TRIM36: variants seen among roughly 807,000 people sequenced by gnomAD.
TRIM36 encodes the protein E3 ubiquitin-protein ligase TRIM36.
In TRIM36, 42 loss-of-function variants were observed where a neutral mutation model predicts 72.4. The observed-to-expected ratio is 0.58, with a 90% confidence interval of 0.45 to 0.75. The LOEUF (loss-of-function observed/expected upper bound fraction) is 0.75. TRIM36 is among the 30% of genes least tolerant of loss of function. The probability of loss-of-function intolerance (pLI) is 0.00; values close to 1 mark genes in which losing one functional copy is unlikely to be tolerated. For synonymous variants in TRIM36, 315 were observed against 282.8 expected (o/e 1.11, Z -1.14); for missense variants, 913 against 857.1 (o/e 1.07, Z -0.81).
intron 2 of TRIM36, among the ~76,000 whole-genome samples, chr5:115,150,299 T>G (rs1416892195): frequency 6.6e-6 from 1 of 152,210 alleles, no homozygotes; most frequent in Non-Finnish European, 1.5e-5. Flanking sequence ...CAGTAGCCAT[T>G]AGCCACATGT....
Position 115,134,140 on chromosome 5 carries a change from G to A in TRIM36, c.1218C>T (p.Asp406=), listed in dbSNP as rs758504475. Residue 406 remains aspartate (D), a synonymous_variant, in exon 8 of 10, where the codon GAC becomes GAT. Coordinates refer to ENST00000513154, the MANE Select transcript of TRIM36 (RefSeq NM_001300759.2). The stretch of plus-strand genomic sequence containing the variant: ...TCTGTTCCTCATTGATCTCTGGCAC[G>A]TCTATGCCTGAAAGAATTATGAAAT... The part of the protein sequence containing the change: ...GELSFFSSGI[D]VPEINEEQSK... The A allele has an allele frequency of 9.6e-6, 15 of 1,560,976 alleles. No individual in the cohort carries two copies. Among genetic ancestry groups the A allele is most frequent in the East Asian group, 6.8e-5 (3 of 43,918 alleles).
chr5:115,152,728 A>T (rs1481721513), intron 2 of TRIM36, among the ~76,000 whole-genome samples: 1 of 152,174 alleles, frequency 6.6e-6, no homozygotes, highest in Non-Finnish European at 1.5e-5. Context: ...CCTAAAAAAA[A>T]ATTATCAGCC....
At chr5:115,179,576 C>T (rs1045877825) in intron 1 of TRIM36, among the ~76,000 whole-genome samples, 7 of 152,254 alleles carry the variant, frequency 4.6e-5, no homozygotes. Flanking sequence ...CTCCACGCTC[C>T]GCGCCCAGGC....
At position 115,158,366 on chromosome 5, in the gene TRIM36, A is replaced by G. The variant is rs556728061; in HGVS notation, c.262+5152T>C. Among the ~76,000 whole-genome samples the G allele has an allele frequency of 1.6e-4, 24 of 152,352 alleles. No homozygotes were observed. In the South Asian group the frequency reaches 3.7e-3, roughly 24 times the overall value. ...AAAAATTTCAAATTGGTTTATAGCA[A>G]ATCCCCTAAAAAAGTCAGCTTTCAG... is the stretch of plus-strand genomic sequence containing the variant. On this transcript the variant is annotated intron_variant, in intron 2 of 9. Transcript: ENST00000513154.
intron 1 of TRIM36, among the ~76,000 whole-genome samples, chr5:115,179,603 T>C (rs1054707008): frequency 3.9e-5 from 6 of 152,132 alleles, no homozygotes; most frequent in African/African-American, 1.2e-4. Flanking sequence ...GGTCACCCAC[T>C]CGAAGTCACC....
intron 5 of TRIM36, among the ~76,000 whole-genome samples, chr5:115,139,108 T>A (rs1022039764): frequency 6.6e-6 from 1 of 151,584 alleles, no homozygotes; most frequent in African/African-American, 2.4e-5. Context: ...TGTGAGCCAC[T>A]GCACCCAGCT....
chr5:115,135,988 C>A (rs963869945), intron 7 of TRIM36, among the ~76,000 whole-genome samples: 4 of 151,966 alleles, frequency 2.6e-5, no homozygotes, highest in African/African-American at 7.3e-5. Flanking sequence ...GAAGAGAAAT[C>A]TTAGGGAGAG....
intron 2 of TRIM36, among the ~76,000 whole-genome samples, chr5:115,148,088 G>C (rs1289614016): frequency 6.6e-6 from 1 of 152,160 alleles, no homozygotes; most frequent in Non-Finnish European, 1.5e-5. Flanking sequence ...CTATAGAAGA[G>C]TGAAAAATTC....
chr5:115,177,993 A>G, intron 1 of TRIM36: 1 of 1,058,926 alleles, frequency 9.4e-7, no homozygotes, highest in Admixed American at 2.4e-5. Flanking sequence ...GTATTCTGAG[A>G]GGGTTTTGTT....
At chr5:115,132,178 C>T (rs1752719077) in intron 8 of TRIM36, among the ~76,000 whole-genome samples, 1 of 139,826 alleles carries the variant, frequency 7.2e-6, no homozygotes, top group South Asian at 2.5e-4. Flanking sequence ...CTCTCTCTCT[C>T]TCTCTATGTG....
At chr5:115,140,691 C>A (rs1028907760) in intron 5 of TRIM36, among the ~76,000 whole-genome samples, 1 of 152,104 alleles carries the variant, frequency 6.6e-6, no homozygotes, top group Non-Finnish European at 1.5e-5. Context: ...GCCTTCCTGT[C>A]GACATTACTG....
At chr5:115,167,869 G>A (rs1754875501) in intron 1 of TRIM36, among the ~76,000 whole-genome samples, 2 of 152,192 alleles carry the variant, frequency 1.3e-5, no homozygotes, top group African/African-American at 2.4e-5. Context: ...CCCAAGAGTG[G>A]CTAATTTATA....
chr5:115,133,843 C>T lies in TRIM36; in HGVS notation c.1498+17G>A, dbSNP rs749396878. 3.9e-6 allele frequency: 6 copies of T among 1,546,588 alleles called. No individual in the cohort carries two copies. The Admixed American group carries it at 8.3e-5, about 21-fold the overall frequency. ...CAACTAACTCTATGCTTTTTTTATT[C>T]CTGATATTCACCATACCTGGAGCTG... On this transcript the variant is annotated intron_variant, in intron 8 of 9. Transcript: ENST00000513154.
At chr5:115,143,340 G>A (rs927051194) in intron 4 of TRIM36, among the ~76,000 whole-genome samples, 6 of 149,856 alleles carry the variant, frequency 4.0e-5, no homozygotes, top group African/African-American at 1.5e-4. Context: ...ATTAAATGCT[G>A]TTCTGTCCTG....
intron 1 of TRIM36, among the ~76,000 whole-genome samples, chr5:115,175,380 G>A (rs1755286831): frequency 6.6e-6 from 1 of 152,142 alleles, no homozygotes; most frequent in Non-Finnish European, 1.5e-5. Flanking sequence ...TTTAACCCTT[G>A]CAGTAACCCT....
intron 9 of TRIM36, among the ~76,000 whole-genome samples, chr5:115,128,447 GT>G (rs1489372185): frequency 6.6e-6 from 1 of 151,476 alleles, no homozygotes; most frequent in Non-Finnish European, 1.5e-5. Context: ...GAGTTAAAAA[GT>G]TTTTTTAAAA....
intron 5 of TRIM36, 65 bp from the exon 6 acceptor site, chr5:115,137,681 C>A: frequency 6.8e-7 from 1 of 1,472,874 alleles, no homozygotes; most frequent in South Asian, 1.5e-5. Context: ...CTGCTAAACC[C>A]AAATGGCTTT....
At chr5:115,138,176 T>C (rs1344695290) in intron 5 of TRIM36, among the ~76,000 whole-genome samples, 2 of 152,206 alleles carry the variant, frequency 1.3e-5, no homozygotes, top group Admixed American at 6.5e-5. Context: ...CTTGGCTCAC[T>C]GTAACCTCCG....
At chr5:115,132,048 T>C (rs1484347868) in intron 8 of TRIM36, among the ~76,000 whole-genome samples, 3 of 152,010 alleles carry the variant, frequency 2.0e-5, no homozygotes, top group Non-Finnish European at 4.4e-5. Flanking sequence ...TACACCACAA[T>C]TTAAAAAATG....
Sources: allele counts gnomAD v4.1 joint callset (sites outside exome capture counted in the v4.1 genomes callset), GRCh38; gene constraint gnomAD v4.1.1; transcripts MANE v1.5; gene names NCBI Gene and HGNC (gene_info 2026-07-23, HGNC 2026-07-21).